CRADD: variants seen among roughly 807,000 people sequenced by gnomAD.
CRADD encodes the protein CARD and death domain containing adaptor protein.
Under a neutral mutation model 15.5 loss-of-function variants are expected in CRADD, and 9 were observed. The ratio of observed to expected loss-of-function variants is 0.58; its 90% CI spans 0.35 to 1.01. The LOEUF (loss-of-function observed/expected upper bound fraction) is 1.01. Ranked by LOEUF, CRADD falls within the 50% of genes least tolerant of loss-of-function variation. The pLI is 0.02. For synonymous variants in CRADD, 118 were observed against 107.6 expected (o/e 1.10, Z -0.60); for missense variants, 227 against 250.3 (o/e 0.91, Z 0.63).
At chr12:93,878,327 C>T (rs1958471759) in intron 2 of CRADD, among the ~76,000 whole-genome samples, 1 of 152,124 alleles carries the variant, frequency 6.6e-6, no homozygotes, top group Non-Finnish European at 1.5e-5. Context: ...TGATTAGTGT[C>T]CTTTCCTGCT....
intron 2 of CRADD, among the ~76,000 whole-genome samples, chr12:93,788,215 T>C (rs1957302345): frequency 6.6e-6 from 1 of 152,186 alleles, no homozygotes; most frequent in Admixed American, 6.6e-5. Flanking sequence ...TCGGGAATTA[T>C]GGTGGAAGGC....
intron 2 of CRADD, among the ~76,000 whole-genome samples, chr12:93,698,132 G>A (rs1955755162): frequency 1.3e-5 from 2 of 152,144 alleles, no homozygotes; most frequent in South Asian, 4.1e-4. Context: ...TGGGAGCTGA[G>A]GGGAGGTCAG....
intron 2 of CRADD, among the ~76,000 whole-genome samples, chr12:93,893,391 G>A (rs1242863746): frequency 6.6e-6 from 1 of 150,490 alleles, no homozygotes; most frequent in Non-Finnish European, 1.5e-5. Context: ...TTCCTAGGGT[G>A]TTGATTTAAA....
chr12:93,840,669 C>T (rs529774471), intron 2 of CRADD, among the ~76,000 whole-genome samples: 4 of 152,074 alleles, frequency 2.6e-5, no homozygotes, highest in Non-Finnish European at 4.4e-5. Context: ...TGGGTCCAAG[C>T]GATTCTCCAG....
chr12:93,858,918 A>G (rs1426553964), intron 2 of CRADD, among the ~76,000 whole-genome samples: 3 of 152,228 alleles, frequency 2.0e-5, no homozygotes, highest in African/African-American at 4.8e-5. Flanking sequence ...CCATTAGATC[A>G]TAGCCTTTTT....
chr12:93,807,939 T>C (rs976790636), intron 2 of CRADD, among the ~76,000 whole-genome samples: 5 of 105,968 alleles, frequency 4.7e-5, no homozygotes, highest in African/African-American at 1.9e-4. Context: ...GCATTATAAA[T>C]AAGTAAATTA....
chr12:93,791,342 GA>G (rs1222128736), intron 2 of CRADD, among the ~76,000 whole-genome samples: 6 of 151,946 alleles, frequency 3.9e-5, no homozygotes, highest in African/African-American at 1.5e-4. Flanking sequence ...ATTCAGCCTT[GA>G]AAAAAAGGAA....
intron 2 of CRADD, among the ~76,000 whole-genome samples, chr12:93,808,944 C>A (rs888380183): frequency 6.6e-6 from 1 of 151,976 alleles, no homozygotes; most frequent in African/African-American, 2.4e-5. Context: ...GATTGAGTTT[C>A]ACTCTTGTTG....
At chr12:93,747,677 A>T (rs1293299785) in intron 2 of CRADD, among the ~76,000 whole-genome samples, 1 of 152,178 alleles carries the variant, frequency 6.6e-6, no homozygotes, top group Non-Finnish European at 1.5e-5. Context: ...TATGTTGGCC[A>T]GGCTGGTCTC....
At chr12:93,879,745 A>G (rs1028640606) in intron 2 of CRADD, among the ~76,000 whole-genome samples, 1 of 152,188 alleles carries the variant, frequency 6.6e-6, no homozygotes, top group Non-Finnish European at 1.5e-5. Context: ...TCTTATTCTA[A>G]GGGTCTCCCG....
chr12:93,704,449 A>G (rs1955902719), intron 2 of CRADD, among the ~76,000 whole-genome samples: 1 of 152,174 alleles, frequency 6.6e-6, no homozygotes, highest in Non-Finnish European at 1.5e-5. Flanking sequence ...AAACTTAGGC[A>G]TCATCCTTGT....
chr12:93,767,369 G>A (rs1957037275), intron 2 of CRADD, among the ~76,000 whole-genome samples: 1 of 152,118 alleles, frequency 6.6e-6, no homozygotes, highest in African/African-American at 2.4e-5. Context: ...GTTTCACTTT[G>A]TGTTTCCTCA....
chr12:93,742,013 A>G (rs1255307437), intron 2 of CRADD, among the ~76,000 whole-genome samples: 1 of 152,112 alleles, frequency 6.6e-6, no homozygotes, highest in African/African-American at 2.4e-5. Flanking sequence ...TCTCGACTGT[A>G]ATGCAAAAAG....
intron 2 of CRADD, among the ~76,000 whole-genome samples, chr12:93,871,938 T>C (rs1247424591): frequency 6.6e-6 from 1 of 152,198 alleles, no homozygotes; most frequent in East Asian, 1.9e-4. Context: ...AGCAGTGGGA[T>C]TGATGGATCA....
chr12:93,892,215 G>A (rs561749407), intron 2 of CRADD, among the ~76,000 whole-genome samples: 11 of 152,132 alleles, frequency 7.2e-5, no homozygotes, highest in Admixed American at 3.3e-4. Context: ...TGTGCTGATC[G>A]GCAGGTACAC....
chr12:93,890,818 G>C (rs1958571135), intron 2 of CRADD, among the ~76,000 whole-genome samples: 1 of 150,496 alleles, frequency 6.6e-6, no homozygotes. Context: ...GAGTGCAGTG[G>C]CACTATTTGG....
intron 2 of CRADD, among the ~76,000 whole-genome samples, chr12:93,690,305 C>T (rs1955536941): frequency 6.6e-6 from 1 of 152,188 alleles, no homozygotes; most frequent in Non-Finnish European, 1.5e-5. Context: ...TGCCATCCTT[C>T]TTCTTTTTGG....
chr12:93,705,295 T>C (rs1955922453), intron 2 of CRADD, among the ~76,000 whole-genome samples: 1 of 152,246 alleles, frequency 6.6e-6, no homozygotes, highest in African/African-American at 2.4e-5. Flanking sequence ...TTAAAATTAA[T>C]TTTTTGGGAT....
At chr12:93,815,927 A>G (rs577653555) in intron 2 of CRADD, 1 of 152,326 alleles carries the variant, frequency 6.6e-6, no homozygotes, top group East Asian at 1.9e-4. Context: ...CACTCCTGTG[A>G]AGAATAAGGA....
Sources: gnomAD v4.1 joint callset for allele counts (sites outside exome capture counted in the v4.1 genomes callset) on GRCh38, gnomAD v4.1.1 for gene constraint, MANE v1.5 for transcripts, NCBI Gene and HGNC (gene_info 2026-07-23, HGNC 2026-07-21) for gene names.